The following REL variants were observed in gnomAD, a reference collection of about 807,000 sequenced individuals.
REL encodes proto-oncogene c-Rel.
Under a neutral mutation model 45.9 loss-of-function variants are expected in REL, and 15 were observed. The ratio of observed to expected loss-of-function variants is 0.33; its 90% CI spans 0.22 to 0.50. The LOEUF is 0.50. Among genes scored for constraint, REL ranks in the 20% least tolerant of loss-of-function variants. The probability of loss-of-function intolerance (pLI) is 0.98; values close to 1 mark genes in which losing one functional copy is unlikely to be tolerated. For missense variants in REL, 601 were observed against 715.2 expected, an observed-to-expected ratio of 0.84 and a Z score of 1.82; for synonymous variants, 239 against 242.1, an observed-to-expected ratio of 0.99 and a Z score of 0.12.
chr2:60,898,561 A>G (rs1304523203), intron 3 of REL, among the ~76,000 whole-genome samples: 1 of 152,152 alleles, frequency 6.6e-6, no homozygotes, highest in Non-Finnish European at 1.5e-5. Flanking sequence ...GCAGTTTAGC[A>G]TTTGTGTATG....
At position 60,881,806 on chromosome 2, in the gene REL, G is replaced by T; in HGVS notation, c.-35G>T. On this transcript the variant is annotated 5_prime_UTR_variant, in exon 1 of 10. Transcript: ENST00000394479. ...GCGGCCGCCTCCGGCCAGGACGCTG[G>T]GAGCTGCCTGCGGGAAGGTGCGGGG... 6.5e-7 allele frequency: 1 copy of T among 1,528,178 alleles called. No homozygotes were observed. The highest frequency in any genetic ancestry group is 1.2e-5 in the South Asian group (1 of 83,506). 94.7% of individuals were successfully genotyped at this position (1,528,178 alleles called of 1,614,324 possible). A position where few individuals can be genotyped will look rare whatever the true frequency, so the allele number is the denominator to read the frequency against.
At chr2:60,881,956 T>C in intron 1 of REL, 106 bp downstream of exon 1, 2 of 731,822 alleles carry the variant, frequency 2.7e-6, no homozygotes, top group South Asian at 5.0e-5. Context: ...GGGCGCGTTC[T>C]GTCTTTAAAA....
At chr2:60,887,252 TAAATC>T (rs1039839029) in intron 1 of REL, among the ~76,000 whole-genome samples, 25 of 152,226 alleles carry the variant, frequency 1.6e-4, no homozygotes, top group African/African-American at 5.5e-4. Flanking sequence ...TAAACACAGA[TAAATC>T]AAAATAGGAA....
intron 1 of REL, among the ~76,000 whole-genome samples, chr2:60,883,795 T>C (rs1673005335): frequency 6.6e-6 from 1 of 151,900 alleles, no homozygotes; most frequent in Non-Finnish European, 1.5e-5. Context: ...GGAGGAAATG[T>C]TTAAAGAAAT....
At chr2:60,890,571 C>T (rs1056771395) in intron 1 of REL, among the ~76,000 whole-genome samples, 1 of 152,116 alleles carries the variant, frequency 6.6e-6, no homozygotes, top group African/African-American at 2.4e-5. Context: ...CATCTTCACA[C>T]CCCTATTAAC....
At chr2:60,918,938 G>A (rs1356725431) in intron 7 of REL, among the ~76,000 whole-genome samples, 2 of 152,046 alleles carry the variant, frequency 1.3e-5, no homozygotes, top group African/African-American at 2.4e-5. Context: ...CTATAGGCAC[G>A]TGCCACCACG....
At chr2:60,916,534 G>C (rs547835096) in intron 4 of REL, among the ~76,000 whole-genome samples, 1 of 152,330 alleles carries the variant, frequency 6.6e-6, no homozygotes, top group African/African-American at 2.4e-5. Context: ...ATACATACTT[G>C]TTGAATGAAT....
intron 4 of REL, among the ~76,000 whole-genome samples, chr2:60,909,261 A>G (rs1353014355): frequency 6.6e-6 from 1 of 152,172 alleles, no homozygotes. Context: ...AAGTATGTTG[A>G]AAGGTTGAGT....
intron 3 of REL, among the ~76,000 whole-genome samples, chr2:60,897,863 TAA>T (rs11300349): frequency 3.6e-3 from 490 of 136,204 alleles, no homozygotes; most frequent in Middle Eastern, 0.019. Context: ...TGTATCTCTT[TAA>T]AAAAAAAAAA....
In REL at chr2:60,881,749, C is replaced by G; in HGVS notation, c.-92C>G. 2 of 1,201,668 alleles carry G rather than the reference C, an allele frequency of 1.7e-6. No homozygotes were observed. Among genetic ancestry groups the G allele is most frequent in the Non-Finnish European group, 2.3e-6 (2 of 853,610 alleles). The allele number at this position is 1,201,668 out of a possible 1,614,324, so 74.4% of individuals were successfully genotyped here. Reference sequence around the variant, plus strand: ...GTCGGGGGACTGGGGGCCCCGCCGGCAGAGGTCCCTCGGCCTCCTGACTGA... The same window carrying G: ...GTCGGGGGACTGGGGGCCCCGCCGGGAGAGGTCCCTCGGCCTCCTGACTGA... On this transcript the variant is annotated 5_prime_UTR_variant, in exon 1 of 10. Transcript: ENST00000394479.
At chr2:60,907,934 C>T (rs1034154037) in intron 4 of REL, among the ~76,000 whole-genome samples, 2 of 151,828 alleles carry the variant, frequency 1.3e-5, no homozygotes, top group African/African-American at 2.4e-5. Flanking sequence ...TCTCGTGTTC[C>T]GTCCACCTCG....
chr2:60,891,860 T>G (rs1673224222), intron 2 of REL, 35 bp downstream of exon 2: 3 of 1,563,984 alleles, frequency 1.9e-6, no homozygotes, highest in Non-Finnish European at 1.7e-6. Context: ...ATCTCACTAT[T>G]AGTTGCTTCA....
Position 60,926,006 on chromosome 2 carries a change from C to T in REL, c.*3471C>T, listed in dbSNP as rs1457498976. On this transcript the variant is annotated 3_prime_UTR_variant, in exon 10 of 10. Transcript: ENST00000394479. ...GTGCTATTTTTTGACCCTGTATAGACTTTAATTTAAAATGAATTTGGTAAC... is the reference window on the plus strand; with the variant it reads ...GTGCTATTTTTTGACCCTGTATAGATTTTAATTTAAAATGAATTTGGTAAC... 4.4e-6 allele frequency: 1 copy of T among 227,328 alleles called. No individual in the cohort carries two copies. The highest frequency in any genetic ancestry group is 8.8e-6 in the Non-Finnish European group (1 of 114,136). The allele number at this position is 227,328 out of a possible 1,614,324, so 14.1% of individuals were successfully genotyped here.
intron 1 of REL, among the ~76,000 whole-genome samples, chr2:60,889,897 C>T (rs559277595): frequency 5.9e-5 from 9 of 152,050 alleles, no homozygotes; most frequent in East Asian, 5.8e-4. Context: ...TGAAGAGTGC[C>T]GCAATAAACA....
rs547614724 is a variant in REL at position 60,907,453 on chromosome 2, G to A, written c.394+6370G>A. Among the ~76,000 whole-genome samples, 6 of 151,902 alleles carry A rather than the reference G, an allele frequency of 3.9e-5. No homozygotes were observed. In the South Asian group the frequency reaches 1.0e-3, roughly 26 times the overall value. ...CTTGAGTCTAGTTCGAGACCAGCCTGGGCAATGTGGTGAAACCCCATCTCT... is the reference window on the plus strand; with the variant it reads ...CTTGAGTCTAGTTCGAGACCAGCCTAGGCAATGTGGTGAAACCCCATCTCT... On this transcript the variant is annotated intron_variant, in intron 4 of 9. Transcript: ENST00000394479.
intron 4 of REL, among the ~76,000 whole-genome samples, chr2:60,903,416 CG>C (rs772499433): frequency 2.0e-5 from 3 of 152,100 alleles, no homozygotes; most frequent in Non-Finnish European, 2.9e-5. Context: ...TTGAGATGCC[CG>C]GGCTGGAGTG....
chr2:60,915,031 C>T (rs1025745893), intron 4 of REL, among the ~76,000 whole-genome samples: 2 of 151,248 alleles, frequency 1.3e-5, no homozygotes, highest in African/African-American at 4.9e-5. Flanking sequence ...CGGGGTTTCA[C>T]CGTGTTAGCC....
At chr2:60,903,612 C>T (rs1322314850) in intron 4 of REL, among the ~76,000 whole-genome samples, 1 of 152,092 alleles carries the variant, frequency 6.6e-6, no homozygotes, top group Non-Finnish European at 1.5e-5. Flanking sequence ...CGACTTGCTG[C>T]AACCCTCACC....
At chr2:60,901,146 TTC>T in intron 4 of REL, 63 bp downstream of exon 4, 16 of 1,324,778 alleles carry the variant, frequency 1.2e-5, no homozygotes, top group Middle Eastern at 3.0e-4. Context: ...TCTTTTTTCT[TTC>T]TCTTTTTTTT....
Sources: gnomAD v4.1 joint callset for allele counts (sites outside exome capture counted in the v4.1 genomes callset) on GRCh38, gnomAD v4.1.1 for gene constraint, MANE v1.5 for transcripts, NCBI Gene and HGNC (gene_info 2026-07-23, HGNC 2026-07-21) for gene names.